Variants in RBFOX1 observed in about 807,000 individuals in gnomAD.
RBFOX1 encodes RNA binding fox-1 homolog 1.
A neutral mutation model predicts 57.7 loss-of-function variants in RBFOX1; 8 were observed. The ratio of observed to expected loss-of-function variants is 0.14; its 90% CI spans 0.08 to 0.25. The LOEUF (loss-of-function observed/expected upper bound fraction) is 0.25. Ranked by LOEUF, RBFOX1 falls within the 10% of genes least tolerant of loss-of-function variation. The pLI, the probability that RBFOX1 is intolerant of heterozygous loss-of-function variation, is 1.00. For synonymous variants in RBFOX1, 326 were observed against 222.4 expected (o/e 1.47, Z -4.15); for missense variants, 611 against 548.5 (o/e 1.11, Z -1.14).
At chr16:7,307,002 G>C (rs978597738) in intron 4 of RBFOX1, among the ~76,000 whole-genome samples, 5 of 152,150 alleles carry the variant, frequency 3.3e-5, no homozygotes, top group African/African-American at 1.2e-4. Flanking sequence ...AATTGATCAA[G>C]TGGACGAATC....
chr16:6,996,400 C>A (rs2092248607), intron 3 of RBFOX1, among the ~76,000 whole-genome samples: 2 of 151,956 alleles, frequency 1.3e-5, no homozygotes, highest in African/African-American at 2.4e-5. Flanking sequence ...TATGTGTGTG[C>A]ATGTATAGGT....
chr16:5,895,694 T>G (rs1322621621), intron 4 of RBFOX1, among the ~76,000 whole-genome samples: 4 of 152,210 alleles, frequency 2.6e-5, no homozygotes, highest in Non-Finnish European at 4.4e-5. Flanking sequence ...AGTCTTCTCA[T>G]TTATAACATA....
At position 6,644,242 on chromosome 16, in the gene RBFOX1, CA is replaced by C. The variant is rs1448055197; in HGVS notation, c.-63-10359del. Reference sequence around the variant, plus strand: ...CCGTTGTTATTTTCACAACAATAGGCAATGTAAGCATGCATCCAAACTATCA... The same window carrying C: ...CCGTTGTTATTTTCACAACAATAGGCATGTAAGCATGCATCCAAACTATCA... On this transcript the variant is annotated intron_variant, in intron 2 of 15. Coordinates refer to ENST00000550418, the MANE Select transcript of RBFOX1 (RefSeq NM_018723.4). Among the ~76,000 whole-genome samples, 6 of 152,250 alleles carry C rather than the reference CA, an allele frequency of 3.9e-5. No individual in the cohort carries two copies. The East Asian group carries it at 1.2e-3, about 29-fold the overall frequency.
intron 1 of RBFOX1, among the ~76,000 whole-genome samples, chr16:5,448,073 G>C (rs55798367): frequency 1.3e-5 from 2 of 152,198 alleles, no homozygotes; most frequent in Non-Finnish European, 2.9e-5. Flanking sequence ...ATCGAGGTCA[G>C]TTCTTAGACA....
intron 3 of RBFOX1, among the ~76,000 whole-genome samples, chr16:6,799,446 A>C (rs1399101562): frequency 6.6e-6 from 1 of 152,122 alleles, no homozygotes; most frequent in African/African-American, 2.4e-5. Flanking sequence ...GAAAAGAGGG[A>C]GTTCCCAGAG....
intron 3 of RBFOX1, among the ~76,000 whole-genome samples, chr16:5,777,298 C>A (rs922648631): frequency 6.6e-6 from 1 of 152,202 alleles, no homozygotes; most frequent in South Asian, 2.1e-4. Flanking sequence ...ATCTTCAAGT[C>A]TTTTAATTCT....
intron 2 of RBFOX1, among the ~76,000 whole-genome samples, chr16:5,552,786 C>T (rs1034862389): frequency 1.3e-5 from 2 of 152,228 alleles, no homozygotes; most frequent in African/African-American, 2.4e-5. Flanking sequence ...TAATGAAGTC[C>T]CTGCTGCTAA....
intron 2 of RBFOX1, among the ~76,000 whole-genome samples, chr16:5,530,076 T>C (rs762849955): frequency 2.7e-4 from 41 of 152,078 alleles, no homozygotes; most frequent in Admixed American, 5.2e-4. Context: ...TGTGAGACAA[T>C]AAATCACTCT....
chr16:7,359,471 A>C (rs1224948540), intron 4 of RBFOX1, among the ~76,000 whole-genome samples: 2 of 151,902 alleles, frequency 1.3e-5, no homozygotes, highest in East Asian at 1.9e-4. Flanking sequence ...GCTTTTTACT[A>C]CTCCCTGTGG....
chr16:6,561,956 C>A (rs185132334), intron 2 of RBFOX1, among the ~76,000 whole-genome samples: 1 of 152,152 alleles, frequency 6.6e-6, no homozygotes, highest in Non-Finnish European at 1.5e-5. Flanking sequence ...TAACCACATT[C>A]ACATCATCCA....
At position 7,043,156 on chromosome 16, in the gene RBFOX1, G is replaced by A. The variant is rs199537886; in HGVS notation, c.-15-8901G>A. On this transcript the variant is annotated intron_variant, in intron 3 of 15. Coordinates refer to ENST00000550418, the MANE Select transcript of RBFOX1 (RefSeq NM_018723.4). ...ACTCCTATTTACTCAGTAAGGGTTAGATCAAGGGTCTCAGCTCCAGAAACA... is the reference window on the plus strand; with the variant it reads ...ACTCCTATTTACTCAGTAAGGGTTAAATCAAGGGTCTCAGCTCCAGAAACA... 4.1e-3 allele frequency among the ~76,000 whole-genome samples: 617 copies of A among 152,190 alleles called. 4 individuals are homozygous for A. Among genetic ancestry groups the A allele is most frequent in the African/African-American group, 0.014 (564 of 41,538 alleles).
intron 1 of RBFOX1, among the ~76,000 whole-genome samples, chr16:6,170,020 C>T (rs985906755): frequency 2.6e-5 from 4 of 152,122 alleles, no homozygotes; most frequent in South Asian, 2.1e-4. Flanking sequence ...CCACCCACTT[C>T]GGCCTCCCAA....
intron 3 of RBFOX1, among the ~76,000 whole-genome samples, chr16:6,919,248 G>C (rs1488957740): frequency 6.6e-6 from 1 of 152,044 alleles, no homozygotes; most frequent in East Asian, 1.9e-4. Context: ...TTCCCAAAGT[G>C]CTGGGCTGGG....
intron 4 of RBFOX1, among the ~76,000 whole-genome samples, chr16:7,099,005 G>T (rs867524448): frequency 6.6e-6 from 1 of 152,200 alleles, no homozygotes. Flanking sequence ...CCTCTTTTTG[G>T]TGGGTCAGTG....
intron 1 of RBFOX1, among the ~76,000 whole-genome samples, chr16:5,452,121 T>C (rs1162351432): frequency 2.2e-5 from 3 of 135,146 alleles, no homozygotes; most frequent in African/African-American, 6.3e-5. Flanking sequence ...TCTCTCTTTT[T>C]TTTTTTTTTT....
At chr16:6,267,877 A>T (rs946386589) in intron 1 of RBFOX1, among the ~76,000 whole-genome samples, 2 of 152,160 alleles carry the variant, frequency 1.3e-5, no homozygotes, top group African/African-American at 4.8e-5. Context: ...TGAAAGCTTT[A>T]AATGGGCTAT....
chr16:5,548,165 AAAAAAAAAAAT>A (rs1386014271), intron 2 of RBFOX1, among the ~76,000 whole-genome samples: 65 of 49,928 alleles, frequency 1.3e-3, no homozygotes, highest in Admixed American at 3.6e-3. Flanking sequence ...TGTTAAAAAA[AAAAAAAAAAAT>A]ATATATATAT....
intron 4 of RBFOX1, among the ~76,000 whole-genome samples, chr16:7,102,830 A>G (rs11649367): frequency 0.6 from 90,521 of 152,030 alleles, 27,096 homozygotes; most frequent in South Asian, 0.7. Context: ...TTGAGATTAG[A>G]AAACACAGCC....
chr16:5,820,890 A>G (rs2055826123), intron 3 of RBFOX1, among the ~76,000 whole-genome samples: 2 of 152,104 alleles, frequency 1.3e-5, no homozygotes, highest in African/African-American at 4.8e-5. Context: ...TCTCTGATTG[A>G]TGGTTTTCCC....
Sources: gnomAD v4.1 joint callset for allele counts (sites outside exome capture counted in the v4.1 genomes callset) on GRCh38, gnomAD v4.1.1 for gene constraint, MANE v1.5 for transcripts, NCBI Gene and HGNC (gene_info 2026-07-23, HGNC 2026-07-21) for gene names.